Variants in GLB1 observed in about 807,000 individuals in gnomAD.
GLB1 encodes the protein beta-galactosidase.
In GLB1, 56 loss-of-function variants were observed where a neutral mutation model predicts 74.0. The observed-to-expected ratio is 0.76, with a 90% CI of 0.61 to 0.94. The LOEUF is 0.94. Ranked by LOEUF, GLB1 falls within the 40% of genes least tolerant of loss-of-function variation. The pLI is 0.00. For synonymous variants in GLB1, 323 were observed against 323.6 expected (o/e 1.00, Z 0.02); for missense variants, 787 against 845.5 (o/e 0.93, Z 0.86).
At chr3:33,090,817 T>C (rs1700725716) in intron 1 of GLB1, 1 of 985,224 alleles carries the variant, frequency 1.0e-6, no homozygotes, top group Non-Finnish European at 1.2e-6. Flanking sequence ...GTTTTCTTTC[T>C]GCTAATAGAA....
At position 33,065,456 on chromosome 3, in the gene GLB1, G is replaced by A. The variant is rs750764898; in HGVS notation, c.552+7C>T. ...CCCAATCCATCCATGCTCAACTCCA[G>A]GGTTACCTGCACTGTTATAACTGGC... On this transcript the variant is annotated splice_region_variant and intron_variant, in intron 5 of 15. Transcript: ENST00000307363. 2 of 1,574,208 alleles carry A rather than the reference G, an allele frequency of 1.3e-6. No homozygotes were observed. Among genetic ancestry groups the A allele is most frequent in the Non-Finnish European group, 1.7e-6 (2 of 1,156,946 alleles).
intron 1 of GLB1, chr3:33,094,153 G>A (rs1700901851): frequency 1.2e-6 from 2 of 1,612,612 alleles, no homozygotes; most frequent in African/African-American, 2.7e-5. Context: ...ACAGCAGCCA[G>A]GGTGGCCTTC....
chr3:33,095,809 C>T (rs1245304135), intron 1 of GLB1, among the ~76,000 whole-genome samples: 1 of 152,194 alleles, frequency 6.6e-6, no homozygotes, highest in African/African-American at 2.4e-5. Flanking sequence ...TCCACCTTCC[C>T]CAGTGGTTCT....
chr3:33,090,885 G>C (rs114462916), intron 1 of GLB1: 10 of 985,204 alleles, frequency 1.0e-5, no homozygotes, highest in Non-Finnish European at 1.2e-5. Context: ...ACCACACAAT[G>C]ATGGCATTCA....
chr3:33,039,053 A>G (rs1346134856), intron 10 of GLB1, among the ~76,000 whole-genome samples: 1 of 152,092 alleles, frequency 6.6e-6, no homozygotes, highest in African/African-American at 2.4e-5. Context: ...GCACTTTGGG[A>G]GGCCGAAGTG....
the GLB1 span, among the ~76,000 whole-genome samples, chr3:32,968,652 A>G: frequency 1.6e-4 from 24 of 152,308 alleles, no homozygotes; most frequent in Non-Finnish European, 2.4e-4. Flanking sequence ...AAGCCATTAC[A>G]TGAAGTCACA....
chr3:33,067,517 G>A (rs1433285216), intron 4 of GLB1, among the ~76,000 whole-genome samples: 1 of 152,052 alleles, frequency 6.6e-6, no homozygotes, highest in African/African-American at 2.4e-5. Flanking sequence ...CTGGGCTCAA[G>A]CAATCCCTCC....
the GLB1 span, among the ~76,000 whole-genome samples, chr3:32,978,829 T>G: frequency 6.8e-6 from 1 of 147,716 alleles, no homozygotes; most frequent in Non-Finnish European, 1.5e-5. Context: ...GACATGATCT[T>G]GGCTCACTGC....
intron 10 of GLB1, among the ~76,000 whole-genome samples, chr3:33,028,093 G>C (rs1456166771): frequency 6.6e-6 from 1 of 152,008 alleles, no homozygotes; most frequent in Admixed American, 6.6e-5. Flanking sequence ...TTGTAGAAAT[G>C]GGGTCTCACT....
At chr3:33,024,584 A>C (rs1293122243) in intron 10 of GLB1, among the ~76,000 whole-genome samples, 1 of 152,212 alleles carries the variant, frequency 6.6e-6, no homozygotes. Context: ...AAGAGCAAAA[A>C]CAAGTAGAGA....
intron 12 of GLB1, 24 bp from the exon 13 acceptor site, chr3:33,018,585 A>C: frequency 1.2e-6 from 2 of 1,612,178 alleles, no homozygotes; most frequent in Non-Finnish European, 1.7e-6. Flanking sequence ...GATTTAAGAA[A>C]AATACATCAC....
At chr3:33,066,411 C>T (rs1167987054) in intron 4 of GLB1, among the ~76,000 whole-genome samples, 1 of 152,168 alleles carries the variant, frequency 6.6e-6, no homozygotes, top group Non-Finnish European at 1.5e-5. Context: ...GGACACTCAG[C>T]CCCCTCACCA....
Position 33,092,163 on chromosome 3 carries a change from C to G in GLB1, c.75+4848G>C, listed in dbSNP as rs544174256. On this transcript the variant is annotated intron_variant, in intron 1 of 15. Transcript: ENST00000307363. ...CCATGGCGCCCACCGTTCTTCTCCC[C>G]TGACCTTGCCCCCAAAGGCCCAGGA... The G allele has an allele frequency of 1.2e-4, 115 of 985,696 alleles. No homozygotes were observed. In the African/African-American group the frequency reaches 1.6e-3, roughly 14 times the overall value. The allele number at this position is 985,696 out of a possible 1,614,324, so 61.1% of individuals were successfully genotyped here.
intron 5 of GLB1, among the ~76,000 whole-genome samples, chr3:33,064,002 A>G (rs1474104384): frequency 6.6e-6 from 1 of 152,000 alleles, no homozygotes. Flanking sequence ...CCACCCTACT[A>G]TGATCCATCC....
chr3:33,027,691 A>G (rs1175677425), intron 10 of GLB1, among the ~76,000 whole-genome samples: 1 of 152,196 alleles, frequency 6.6e-6, no homozygotes, highest in Non-Finnish European at 1.5e-5. Flanking sequence ...CTGAGACATG[A>G]AAATCGCTTG....
intron 4 of GLB1, among the ~76,000 whole-genome samples, chr3:33,065,798 T>C (rs939399185): frequency 2.0e-5 from 3 of 151,978 alleles, no homozygotes; most frequent in Non-Finnish European, 2.9e-5. Context: ...AGAAACCCCA[T>C]CTCTACTAAA....
At chr3:33,062,899 T>C (rs1041522739) in intron 5 of GLB1, among the ~76,000 whole-genome samples, 1 of 152,194 alleles carries the variant, frequency 6.6e-6, no homozygotes, top group African/African-American at 2.4e-5. Flanking sequence ...GGTGGGTATG[T>C]GATGTGCACA....
downstream of GLB1, among the ~76,000 whole-genome samples, chr3:32,994,788 A>G (rs979220269): frequency 6.6e-6 from 1 of 151,944 alleles, no homozygotes; most frequent in Non-Finnish European, 1.5e-5. Flanking sequence ...GGGCATGGTG[A>G]TGCACGCCTG....
intron 10 of GLB1, among the ~76,000 whole-genome samples, chr3:33,031,372 G>A (rs1314845371): frequency 6.6e-6 from 1 of 151,712 alleles, no homozygotes; most frequent in African/African-American, 2.4e-5. Context: ...GGCTGGGTGC[G>A]GTGGCTTACA....
Sources: allele counts gnomAD v4.1 joint callset (sites outside exome capture counted in the v4.1 genomes callset), GRCh38; gene constraint gnomAD v4.1.1; transcripts MANE v1.5; gene names NCBI Gene and HGNC (gene_info 2026-07-23, HGNC 2026-07-21).